PDE12: variants seen among roughly 807,000 people sequenced by gnomAD.
PDE12 encodes the protein 2',5'-phosphodiesterase 12.
PDE12 carries 26 observed loss-of-function variants against 45.4 expected under a neutral mutation model. The observed-to-expected ratio is 0.57, with a 90% CI of 0.42 to 0.79. The LOEUF is 0.79. Ranked by LOEUF, PDE12 falls within the 30% of genes least tolerant of loss-of-function variation. The probability of loss-of-function intolerance (pLI) is 0.00; values close to 1 mark genes in which losing one functional copy is unlikely to be tolerated. For synonymous variants in PDE12, 283 were observed against 323.9 expected (o/e 0.87, Z 1.36); for missense variants, 668 against 790.0 (o/e 0.85, Z 1.85).
chr3:57,637,247 A>G, the PDE12 span, among the ~76,000 whole-genome samples: 3 of 152,320 alleles, frequency 2.0e-5, no homozygotes, highest in East Asian at 5.8e-4. Flanking sequence ...TACTGCCATC[A>G]TTCATTCTGA....
chr3:57,612,890 A>G, the PDE12 span, among the ~76,000 whole-genome samples: 1 of 152,172 alleles, frequency 6.6e-6, no homozygotes, highest in South Asian at 2.1e-4. Flanking sequence ...TCCTAACTCT[A>G]TAATTACGTT....
chr3:57,626,563 GC>G, the PDE12 span: 3 of 152,122 alleles, frequency 2.0e-5, no homozygotes, highest in Admixed American at 1.3e-4. Context: ...TACAAAATTA[GC>G]CAGGCGTGGT....
the PDE12 span, among the ~76,000 whole-genome samples, chr3:57,647,855 G>T: frequency 1.3e-5 from 2 of 151,354 alleles, no homozygotes; most frequent in African/African-American, 2.4e-5. Context: ...ATCCATGGGG[G>T]TGGGGGTGGG....
downstream of PDE12, among the ~76,000 whole-genome samples, chr3:57,569,281 A>T (rs2069812853): frequency 6.6e-6 from 1 of 152,202 alleles, no homozygotes; most frequent in Non-Finnish European, 1.5e-5. Flanking sequence ...GAAAAAAAGG[A>T]ACTTTAAAAA....
chr3:57,651,836 G>A, the PDE12 span, among the ~76,000 whole-genome samples: 1 of 152,120 alleles, frequency 6.6e-6, no homozygotes, highest in South Asian at 2.1e-4. Context: ...TATCAAAATA[G>A]GTAATAATGG....
At chr3:57,587,567 A>C in the PDE12 span, among the ~76,000 whole-genome samples, 1 of 152,076 alleles carries the variant, frequency 6.6e-6, no homozygotes, top group African/African-American at 2.4e-5. Flanking sequence ...TGAAAAGAGA[A>C]AAAAAATTGT....
At chr3:57,594,893 G>T in the PDE12 span, among the ~76,000 whole-genome samples, 1 of 152,214 alleles carries the variant, frequency 6.6e-6, no homozygotes, top group African/African-American at 2.4e-5. Flanking sequence ...CTTTTTCCCT[G>T]TTCATGCACA....
chr3:57,609,395 C>G, the PDE12 span, among the ~76,000 whole-genome samples: 8 of 152,056 alleles, frequency 5.3e-5, no homozygotes, highest in African/African-American at 1.9e-4. Flanking sequence ...CAGAGCAGAA[C>G]TGAAGGAGAT....
At chr3:57,582,386 G>A in the PDE12 span, among the ~76,000 whole-genome samples, 1 of 151,788 alleles carries the variant, frequency 6.6e-6, no homozygotes, top group African/African-American at 2.4e-5. Flanking sequence ...GGGATCACAG[G>A]TGCGCGCCAC....
chr3:57,629,119 T>C, the PDE12 span, among the ~76,000 whole-genome samples: 15 of 152,342 alleles, frequency 9.8e-5, no homozygotes, highest in East Asian at 2.7e-3. Flanking sequence ...AAACAAAATG[T>C]ACTGAGGTGG....
chr3:57,611,637 CTCA>C, the PDE12 span, among the ~76,000 whole-genome samples: 2 of 152,230 alleles, frequency 1.3e-5, no homozygotes, highest in African/African-American at 4.8e-5. Context: ...TGAAAAAATG[CTCA>C]TCATCACTGG....
the PDE12 span, among the ~76,000 whole-genome samples, chr3:57,653,846 TACC>T: frequency 1.2e-3 from 176 of 149,846 alleles, 1 homozygote; most frequent in African/African-American, 4.1e-3. Flanking sequence ...TTTTTTTTAG[TACC>T]ACATTTATAT....
chr3:57,584,167 T>C, the PDE12 span: 1 of 699,024 alleles, frequency 1.4e-6, no homozygotes, highest in Non-Finnish European at 2.4e-6. Context: ...CTCATTATGT[T>C]ATGCAGGCTG....
the PDE12 span, among the ~76,000 whole-genome samples, chr3:57,582,363 C>T: frequency 9.2e-5 from 14 of 152,092 alleles, no homozygotes; most frequent in South Asian, 2.9e-3. Flanking sequence ...CTGCCTCAGC[C>T]TCCTGAGTAG....
At chr3:57,631,110 C>A in the PDE12 span, 2 of 698,164 alleles carry the variant, frequency 2.9e-6, no homozygotes, top group African/African-American at 1.8e-5. Flanking sequence ...CCATCACTCC[C>A]CACAAGAGAT....
rs887657384 is a variant in PDE12 at position 57,565,978 on chromosome 3, G to A, written c.*5974G>A. The A allele has an allele frequency of 6.6e-6, 1 of 152,034 alleles. No homozygotes were observed. The highest frequency in any genetic ancestry group is 2.4e-5 in the African/African-American group (1 of 41,376). The allele number at this position is 152,034 out of a possible 1,614,324, so 9.4% of individuals were successfully genotyped here. The stretch of plus-strand genomic sequence containing the variant: ...TTTGGGTATCTTAAACCAAGAAAGG[G>A]TATTTCTATCCCAGCTGTAGAGTTT... On this transcript the variant is annotated 3_prime_UTR_variant, in exon 3 of 3. Coordinates refer to ENST00000311180, the MANE Select transcript of PDE12 (RefSeq NM_177966.7).
chr3:57,580,358 A>T, the PDE12 span, among the ~76,000 whole-genome samples: 1 of 152,128 alleles, frequency 6.6e-6, no homozygotes, highest in African/African-American at 2.4e-5. Flanking sequence ...TCCATATTTC[A>T]AAAGCTACTC....
chr3:57,617,348 G>A, the PDE12 span, among the ~76,000 whole-genome samples: 1 of 151,956 alleles, frequency 6.6e-6, no homozygotes, highest in Non-Finnish European at 1.5e-5. Context: ...AGGATGCAGT[G>A]AGCTATGATC....
chr3:57,621,209 T>A, the PDE12 span, among the ~76,000 whole-genome samples: 3 of 152,148 alleles, frequency 2.0e-5, no homozygotes, highest in Non-Finnish European at 4.4e-5. Flanking sequence ...ACAAAGCCAA[T>A]GCAACTGATT....
Sources: gnomAD v4.1 joint callset for allele counts (sites outside exome capture counted in the v4.1 genomes callset) on GRCh38, gnomAD v4.1.1 for gene constraint, MANE v1.5 for transcripts, NCBI Gene and HGNC (gene_info 2026-07-23, HGNC 2026-07-21) for gene names.